ISOC1: variants seen among roughly 807,000 people sequenced by gnomAD.
The protein encoded by ISOC1 is isochorismatase domain-containing protein 1.
ISOC1 carries 33 observed loss-of-function variants against 30.0 expected under a neutral mutation model. The observed-to-expected ratio is 1.10, with a 90% CI of 0.83 to 1.47. The LOEUF (loss-of-function observed/expected upper bound fraction) is 1.47, where lower values mean the gene tolerates loss of function less well. Ranked by LOEUF, ISOC1 falls within the 40% of genes most tolerant of loss-of-function variation. The pLI is 0.00. For missense variants in ISOC1, 372 were observed against 388.0 expected, an observed-to-expected ratio of 0.96 and a Z score of 0.35; for synonymous variants, 178 against 159.8, an observed-to-expected ratio of 1.11 and a Z score of -0.86.
chr5:129,105,413 G>C, intron 3 of ISOC1, 25 bp downstream of exon 3: 1 of 1,565,532 alleles, frequency 6.4e-7, no homozygotes, highest in Non-Finnish European at 8.8e-7. Context: ...CTATCATTTA[G>C]GCACAATATT....
At chr5:129,106,905 T>TTTTACA (rs756412592) in intron 3 of ISOC1, 41 bp from the exon 4 acceptor site, 2 of 1,389,090 alleles carry the variant, frequency 1.4e-6, no homozygotes, top group African/African-American at 2.9e-5. Context: ...TACTTTTAGT[T>TTTTACA]TATTATGTTA....
chr5:129,095,570 C>G (rs1172008231), intron 1 of ISOC1, among the ~76,000 whole-genome samples: 3 of 152,222 alleles, frequency 2.0e-5, no homozygotes, highest in Non-Finnish European at 4.4e-5. Flanking sequence ...CATTCCCCCC[C>G]GCCTTCCCAG....
At chr5:129,101,210 G>T (rs2150170692) in intron 1 of ISOC1, among the ~76,000 whole-genome samples, 1 of 99,364 alleles carries the variant, frequency 1.0e-5, no homozygotes, top group African/African-American at 4.7e-5. Context: ...TATATATATG[G>T]TTGGGTTGGG....
At chr5:129,104,418 A>G (rs1753608732) in intron 1 of ISOC1, among the ~76,000 whole-genome samples, 1 of 152,148 alleles carries the variant, frequency 6.6e-6, no homozygotes, top group South Asian at 2.1e-4. Context: ...TTCTGATTAT[A>G]AAGAAATTTC....
intron 4 of ISOC1, among the ~76,000 whole-genome samples, chr5:129,107,773 G>T (rs1344219753): frequency 6.6e-6 from 1 of 152,092 alleles, no homozygotes; most frequent in Non-Finnish European, 1.5e-5. Context: ...GAATTTCTGG[G>T]ACTAAGTGGT....
chr5:129,094,813 C>CCGGGGGCG lies in ISOC1; in HGVS notation c.57_64dup (p.Pro22ArgfsTer71), dbSNP rs982505929. 2 of 1,537,876 alleles carry CCGGGGGCG rather than the reference C, an allele frequency of 1.3e-6. No homozygotes were observed. The highest frequency in any genetic ancestry group is 1.2e-5 in the South Asian group (1 of 83,176). Reference sequence around the variant, plus strand: ...GTCCTTGCGCTCCCCAACAGCGGCGCCGGGGGCGCGGGGGCGCCGTCGGGC... The same window carrying CCGGGGGCG: ...GTCCTTGCGCTCCCCAACAGCGGCGCCGGGGGCGCGGGGGCGCGGGGGCGCCGTCGGGC... On this transcript the variant is annotated frameshift_variant, in exon 1 of 5. Coordinates refer to ENST00000173527, the MANE Select transcript of ISOC1 (RefSeq NM_016048.2). LOFTEE classifies it high-confidence loss of function.
chr5:129,107,446 C>G (rs1471258257), intron 4 of ISOC1, among the ~76,000 whole-genome samples: 1 of 152,070 alleles, frequency 6.6e-6, no homozygotes, highest in African/African-American at 2.4e-5. Context: ...CAGAGCAGGC[C>G]TAACCCAGTT....
intron 1 of ISOC1, among the ~76,000 whole-genome samples, chr5:129,100,305 C>A (rs1316187178): frequency 6.6e-6 from 1 of 152,172 alleles, no homozygotes; most frequent in Non-Finnish European, 1.5e-5. Context: ...GGTCAAATCC[C>A]AGCTATGACA....
intron 4 of ISOC1, among the ~76,000 whole-genome samples, chr5:129,112,151 A>G (rs191849876): frequency 1.8e-4 from 28 of 152,358 alleles, no homozygotes; most frequent in Admixed American, 1.8e-3. Flanking sequence ...ATTTGATAGT[A>G]AATTACTAAT....
chr5:129,107,843 A>G (rs3822832), intron 4 of ISOC1, among the ~76,000 whole-genome samples: 110,295 of 151,898 alleles, frequency 0.73, 41,404 homozygotes, highest in African/African-American at 0.92. Flanking sequence ...TGGCATTAGA[A>G]TGTCACCATG....
In ISOC1 at chr5:129,099,620, C is replaced by T. The variant is rs575081678; in HGVS notation, c.309+4545C>T. On this transcript the variant is annotated intron_variant, in intron 1 of 4. Coordinates refer to ENST00000173527, the MANE Select transcript of ISOC1 (RefSeq NM_016048.2). ...TTTATGATTCACTTTCCTTATTCTGCATATTATGTTAACATAACAAGTTAT... is the reference window on the plus strand; with the variant it reads ...TTTATGATTCACTTTCCTTATTCTGTATATTATGTTAACATAACAAGTTAT... 2.0e-3 allele frequency among the ~76,000 whole-genome samples: 312 copies of T among 152,282 alleles called. 2 individuals are homozygous for T. The highest frequency in any genetic ancestry group is 7.3e-3 in the African/African-American group (304 of 41,560).
chr5:129,107,423 C>T (rs1360339295), intron 4 of ISOC1, among the ~76,000 whole-genome samples: 1 of 152,006 alleles, frequency 6.6e-6, no homozygotes, highest in Non-Finnish European at 1.5e-5. Context: ...ACTCATTTAG[C>T]CAAAAGCTAG....
intron 4 of ISOC1, 110 bp downstream of exon 4, chr5:129,107,172 C>G: frequency 1.2e-6 from 1 of 812,920 alleles, no homozygotes; most frequent in Non-Finnish European, 2.1e-6. Flanking sequence ...TTGAGTTGGT[C>G]TGGCAATATC....
intron 4 of ISOC1, among the ~76,000 whole-genome samples, chr5:129,110,567 A>G (rs1202509013): frequency 3.3e-5 from 5 of 152,190 alleles, no homozygotes; most frequent in Admixed American, 2.0e-4. Context: ...CCACATTTCA[A>G]TCTTGAAGCA....
Position 129,095,223 on chromosome 5 carries a change from T to C in ISOC1, c.309+148T>C, listed in dbSNP as rs1278806906. On this transcript the variant is annotated intron_variant, in intron 1 of 4. Transcript: ENST00000173527. ...GTGGCTGAGTCCGAAGGGCTGCGCG[T>C]CTTTCGCAAGTTCCGGGGCCGGCTG... 5.2e-6 allele frequency: 4 copies of C among 762,012 alleles called. No homozygotes were observed. The East Asian group carries it at 1.2e-4, about 24-fold the overall frequency. The allele number at this position is 762,012 out of a possible 1,614,324, so 47.2% of individuals were successfully genotyped here.
chr5:129,107,985 C>A (rs1302652053), intron 4 of ISOC1, among the ~76,000 whole-genome samples: 2 of 152,160 alleles, frequency 1.3e-5, no homozygotes, highest in Non-Finnish European at 2.9e-5. Context: ...TCCATATTGT[C>A]GTTTGATCTC....
At chr5:129,100,306 A>G (rs1435037954) in intron 1 of ISOC1, among the ~76,000 whole-genome samples, 1 of 152,218 alleles carries the variant, frequency 6.6e-6, no homozygotes, top group Non-Finnish European at 1.5e-5. Context: ...GTCAAATCCC[A>G]GCTATGACAA....
chr5:129,098,191 A>C (rs1753530459), intron 1 of ISOC1, among the ~76,000 whole-genome samples: 1 of 152,166 alleles, frequency 6.6e-6, no homozygotes, highest in Admixed American at 6.5e-5. Flanking sequence ...CCTTTGCCAC[A>C]CTGCACCCGT....
At chr5:129,095,160 A>G in intron 1 of ISOC1, 85 bp downstream of exon 1, 1 of 1,346,800 alleles carries the variant, frequency 7.4e-7, no homozygotes, top group Non-Finnish European at 9.8e-7. Context: ...CGCGCTCCTC[A>G]GGTGCCCCGA....
Sources: allele counts gnomAD v4.1 joint callset (sites outside exome capture counted in the v4.1 genomes callset), GRCh38; gene constraint gnomAD v4.1.1; transcripts MANE v1.5; gene names NCBI Gene and HGNC (gene_info 2026-07-23, HGNC 2026-07-21).